FBXO34: variants seen among roughly 807,000 people sequenced by gnomAD.
FBXO34 encodes the protein F-box protein 34.
A neutral mutation model predicts 24.5 loss-of-function variants in FBXO34; 12 were observed. The observed-to-expected ratio is 0.49, with a 90% CI of 0.31 to 0.79. The LOEUF (loss-of-function observed/expected upper bound fraction) is 0.79. Ranked by LOEUF, FBXO34 falls within the 30% of genes least tolerant of loss-of-function variation. The pLI, the probability that FBXO34 is intolerant of heterozygous loss-of-function variation, is 0.04. For missense variants in FBXO34, 823 were observed against 857.7 expected, an observed-to-expected ratio of 0.96 and a Z score of 0.51; for synonymous variants, 320 against 311.9, an observed-to-expected ratio of 1.03 and a Z score of -0.27.
In FBXO34 at chr14:55,323,238, T is replaced by TA. The variant is rs1256166031; in HGVS notation, c.-10-27143_-10-27142insA. On this transcript the variant is annotated intron_variant, in intron 1 of 1. Transcript: ENST00000313833. ...AAAAAAATATATATTTTTTTTTTTT[T>TA]TTTTTTTTTTAGAGACAGAGTCTCA... is the stretch of plus-strand genomic sequence containing the variant. 2.7e-3 allele frequency among the ~76,000 whole-genome samples: 306 copies of TA among 112,992 alleles called. 9 individuals carry two copies. Among genetic ancestry groups the TA allele is most frequent in the Non-Finnish European group, 3.6e-3 (215 of 60,476 alleles). The allele number at this position is 112,992 out of a possible 152,430, so 74.1% of individuals were successfully genotyped here. A position where few individuals can be genotyped will look rare whatever the true frequency, so the allele number is the denominator to read the frequency against.
intron 1 of FBXO34, among the ~76,000 whole-genome samples, chr14:55,325,243 A>G (rs1279455422): frequency 6.6e-6 from 1 of 152,124 alleles, no homozygotes; most frequent in Non-Finnish European, 1.5e-5. Flanking sequence ...TATTTGCCTT[A>G]GTTGGTTCTT....
chr14:55,419,889 G>C, the FBXO34 span, among the ~76,000 whole-genome samples: 2 of 152,254 alleles, frequency 1.3e-5, no homozygotes, highest in South Asian at 4.1e-4. Context: ...TTCTAGGCAA[G>C]TTATTTACCA....
In FBXO34 at chr14:55,351,361, A is replaced by T; in HGVS notation, c.971A>T (p.Asp324Val). 1 of 1,614,236 alleles carries T rather than the reference A, an allele frequency of 6.2e-7. No homozygotes were observed. Among genetic ancestry groups the T allele is most frequent in the Non-Finnish European group, 8.5e-7 (1 of 1,180,046 alleles). The change falls in exon 2 of 2, where the codon GAT (aspartate) becomes GTT (valine). Residue 324 changes from aspartate (D) to valine (V), a missense_variant. Asp to Val is a radical substitution (Grantham distance 152). Around this residue, in one of 2 missense-constraint regions of FBXO34, gnomAD observed 693 missense variants for 659.1 expected, o/e 1.05. Coordinates refer to ENST00000313833, the MANE Select transcript of FBXO34 (RefSeq NM_017943.4). ...RVLLANSTQA[D>V]EGKTKKGVLE... ...TTGCTTGCAAATAGCACTCAGGCTG[A>T]TGAAGGCAAAACAAAGAAAGGCGTC...
chr14:55,330,772 A>T (rs1883507413), intron 1 of FBXO34, among the ~76,000 whole-genome samples: 2 of 152,338 alleles, frequency 1.3e-5, no homozygotes, highest in South Asian at 4.1e-4. Context: ...CCTGGGCAAC[A>T]GAGTGAGACC....
At chr14:55,386,470 C>G in the FBXO34 span, among the ~76,000 whole-genome samples, 2 of 152,224 alleles carry the variant, frequency 1.3e-5, no homozygotes, top group African/African-American at 4.8e-5. Flanking sequence ...TACTGGCTAT[C>G]TGATTTCCCT....
Position 55,320,060 on chromosome 14 carries a change from G to GA in FBXO34, c.-10-30311dup, listed in dbSNP as rs969922101. ...GCATATTTAACAAATCACCTTAAGT[G>GA]AAAAAAAAAATGTATGCAATTGGAC... On this transcript the variant is annotated intron_variant, in intron 1 of 1. Transcript: ENST00000313833. 2.1e-3 allele frequency among the ~76,000 whole-genome samples: 311 copies of GA among 149,016 alleles called. 2 individuals carry two copies. The highest frequency in any genetic ancestry group is 6.8e-3 in the Middle Eastern group (2 of 294).
intron 1 of FBXO34, among the ~76,000 whole-genome samples, chr14:55,316,830 G>A (rs143713771): frequency 2.4e-3 from 365 of 151,886 alleles, no homozygotes; most frequent in Non-Finnish European, 3.9e-3. Context: ...CAAGTCACAC[G>A]CCTATAAAGT....
the FBXO34 span, chr14:55,382,041 A>G: frequency 6.2e-7 from 1 of 1,614,164 alleles, no homozygotes; most frequent in Non-Finnish European, 8.5e-7. Context: ...GGCTAATCCA[A>G]GGCCCTGTAA....
At chr14:55,327,776 A>C (rs1883388085) in intron 1 of FBXO34, among the ~76,000 whole-genome samples, 1 of 151,960 alleles carries the variant, frequency 6.6e-6, no homozygotes, top group Admixed American at 6.6e-5. Flanking sequence ...GGATTCCTGA[A>C]ACCTTGGGTA....
intron 1 of FBXO34, among the ~76,000 whole-genome samples, chr14:55,273,425 G>A (rs1186992827): frequency 6.6e-6 from 1 of 152,192 alleles, no homozygotes; most frequent in Admixed American, 6.5e-5. Context: ...ACAGCATTGT[G>A]TGCGCTACTG....
At chr14:55,281,520 G>T (rs1355362665) in intron 1 of FBXO34, among the ~76,000 whole-genome samples, 3 of 152,162 alleles carry the variant, frequency 2.0e-5, no homozygotes, top group Non-Finnish European at 1.5e-5. Flanking sequence ...ACCTGCTCTA[G>T]GTTTAGACGT....
chr14:55,401,926 C>A, the FBXO34 span, among the ~76,000 whole-genome samples: 1 of 152,136 alleles, frequency 6.6e-6, no homozygotes, highest in South Asian at 2.1e-4. Context: ...TTTCAACACG[C>A]CAAGTGGGAA....
At position 55,331,717 on chromosome 14, in the gene FBXO34, G is replaced by A. The variant is rs866093854; in HGVS notation, c.-10-18664G>A. Among the ~76,000 whole-genome samples the A allele has an allele frequency of 6.0e-3, 184 of 30,418 alleles. 10 individuals are homozygous for A. The highest frequency in any genetic ancestry group is 0.029 in the African/African-American group (63 of 2,182). The allele number at this position is 30,418 out of a possible 152,430, so 20.0% of individuals were successfully genotyped here. A position where few individuals can be genotyped will look rare whatever the true frequency, so the allele number is the denominator to read the frequency against. On this transcript the variant is annotated intron_variant, in intron 1 of 1. Transcript: ENST00000313833. ...TATATATATATATGTATATATATAT[G>A]TATATATATATGTATATATATATGT...
the FBXO34 span, among the ~76,000 whole-genome samples, chr14:55,408,685 T>A: frequency 6.6e-6 from 1 of 152,140 alleles, no homozygotes; most frequent in Non-Finnish European, 1.5e-5. Flanking sequence ...ATGGGAGGAT[T>A]GCTTGAGCCC....
the FBXO34 span, among the ~76,000 whole-genome samples, chr14:55,390,698 C>T: frequency 1.3e-5 from 2 of 152,194 alleles, no homozygotes; most frequent in African/African-American, 4.8e-5. Flanking sequence ...AGAAAAGAAT[C>T]TGGTTATTTA....
At chr14:55,440,553 C>T in the FBXO34 span, 5 of 1,585,122 alleles carry the variant, frequency 3.2e-6, no homozygotes, top group Middle Eastern at 2.2e-4. Flanking sequence ...CATTTATGAG[C>T]CTGGGGGCAG....
chr14:55,429,823 A>T, the FBXO34 span, among the ~76,000 whole-genome samples: 4 of 151,704 alleles, frequency 2.6e-5, no homozygotes, highest in East Asian at 7.7e-4. Flanking sequence ...ACACATGCAT[A>T]CAAAAAAAAA....
chr14:55,333,756 A>G (rs1309858034), intron 1 of FBXO34, among the ~76,000 whole-genome samples: 1 of 150,132 alleles, frequency 6.7e-6, no homozygotes, highest in Non-Finnish European at 1.5e-5. Context: ...ACATGACCCT[A>G]TTAGACAGCT....
At chr14:55,313,308 C>T (rs1161540199) in intron 1 of FBXO34, among the ~76,000 whole-genome samples, 1 of 152,202 alleles carries the variant, frequency 6.6e-6, no homozygotes, top group Admixed American at 6.5e-5. Flanking sequence ...ACCACCTCAT[C>T]CTGGACTTCA....
Sources: gnomAD v4.1 joint callset for allele counts (sites outside exome capture counted in the v4.1 genomes callset) on GRCh38, gnomAD v4.1.1 for gene constraint, gnomAD v4.1.1 regional missense constraint, MANE v1.5 for transcripts, NCBI Gene and HGNC (gene_info 2026-07-23, HGNC 2026-07-21) for gene names.